VPS54: variants seen among roughly 807,000 people sequenced by gnomAD.
VPS54 encodes VPS54 subunit of GARP complex, also known as vacuolar protein sorting-associated protein 54.
A neutral mutation model predicts 121.5 loss-of-function variants in VPS54; 45 were observed. The observed-to-expected ratio is 0.37, with a 90% CI of 0.29 to 0.47. The LOEUF (loss-of-function observed/expected upper bound fraction) is 0.47, where lower values mean the gene tolerates loss of function less well. Ranked by LOEUF, VPS54 falls within the 20% of genes least tolerant of loss-of-function variation. The probability of loss-of-function intolerance (pLI) is 0.99; values close to 1 mark genes in which losing one functional copy is unlikely to be tolerated. For missense variants in VPS54, 1,090 were observed against 1,131.4 expected (o/e 0.96, Z 0.52); for synonymous variants, 371 against 385.8 (o/e 0.96, Z 0.45).
At chr2:63,922,893 A>C (rs1673708957) in intron 12 of VPS54, among the ~76,000 whole-genome samples, 1 of 152,204 alleles carries the variant, frequency 6.6e-6, no homozygotes, top group Non-Finnish European at 1.5e-5. Context: ...ATTCACAAAA[A>C]TATAAACAGA....
At chr2:64,002,655 A>G (rs544904881) in intron 1 of VPS54, among the ~76,000 whole-genome samples, 3 of 152,354 alleles carry the variant, frequency 2.0e-5, no homozygotes, top group South Asian at 2.1e-4. Context: ...TGGCAGAAAA[A>G]TATTTCTAGA....
Position 63,972,156 on chromosome 2 carries a change from A to G in VPS54, c.457+10T>C, listed in dbSNP as rs181659898. 7.9e-6 allele frequency: 12 copies of G among 1,522,402 alleles called. No homozygotes were observed. The highest frequency in any genetic ancestry group is 9.8e-6 in the Non-Finnish European group (11 of 1,117,232). 94.3% of individuals were successfully genotyped at this position (1,522,402 alleles called of 1,614,324 possible). On this transcript the variant is annotated intron_variant, in intron 4 of 22. Coordinates refer to ENST00000272322, the MANE Select transcript of VPS54 (RefSeq NM_016516.3). The stretch of plus-strand genomic sequence containing the variant: ...ATGCTTTATTATCTATAAATAACAC[A>G]TATTCATACCATGAGTATGTAAAAG...
intron 1 of VPS54, among the ~76,000 whole-genome samples, chr2:63,990,231 A>C (rs1677252805): frequency 6.6e-6 from 1 of 152,114 alleles, no homozygotes; most frequent in African/African-American, 2.4e-5. Context: ...CGATGCTGAA[A>C]ATTCAATGTC....
intron 5 of VPS54, among the ~76,000 whole-genome samples, chr2:63,967,788 G>T (rs192734580): frequency 2.4e-4 from 37 of 151,090 alleles, no homozygotes; most frequent in East Asian, 1.5e-3. Context: ...AGGGATGAGG[G>T]AAGAGTCCCA....
chr2:63,897,181 G>A lies in VPS54; in HGVS notation c.2828+315C>T, dbSNP rs77433952. On this transcript the variant is annotated intron_variant, in intron 22 of 22. Transcript: ENST00000272322. ...ACACAGGTTAAGTGACATTCACATG[G>A]TCACACAGTAGGACTTCTGAATCCT... Among the ~76,000 whole-genome samples the A allele has an allele frequency of 1.2e-4, 19 of 152,242 alleles. No individual in the cohort carries two copies. In the East Asian group the frequency reaches 3.1e-3, roughly 25 times the overall value.
At chr2:63,977,573 T>C (rs947510915) in intron 3 of VPS54, among the ~76,000 whole-genome samples, 3 of 152,252 alleles carry the variant, frequency 2.0e-5, no homozygotes, top group African/African-American at 7.2e-5. Flanking sequence ...TGATTCTTAG[T>C]TTCCATCTCT....
At position 63,899,544 on chromosome 2, in the gene VPS54, C is replaced by T; in HGVS notation, c.2663G>A (p.Arg888Lys). 6.2e-7 allele frequency: 1 copy of T among 1,613,704 alleles called. No individual in the cohort carries two copies. ...VKAPVPSACF[R>K]NICKQMTKMH... is the part of the protein sequence containing the mutation. ...TTTTGTCATTTGCTTACAAATATTC[C>T]TGAAACAGGCAGAAGGAACAGGAGC... The change falls in exon 21 of 23, where the codon AGG becomes AAG. Residue 888 changes from arginine (R) to lysine (K), a missense_variant. Arg to Lys is a conservative substitution (Grantham distance 26, BLOSUM62 2). This residue lies in a region of VPS54 where 289 missense variants were observed against 374.4 expected (regional missense o/e 0.77). Coordinates refer to ENST00000272322, the MANE Select transcript of VPS54 (RefSeq NM_016516.3).
At chr2:63,913,884 T>G in intron 17 of VPS54, 1 of 1,135,986 alleles carries the variant, frequency 8.8e-7, no homozygotes, top group Non-Finnish European at 1.1e-6. Flanking sequence ...TTGAAGCCAG[T>G]CCAGGTTTTT....
At chr2:63,907,803 C>G (rs183604125) in intron 20 of VPS54, among the ~76,000 whole-genome samples, 48 of 152,130 alleles carry the variant, frequency 3.2e-4, no homozygotes, top group Admixed American at 7.9e-4. Flanking sequence ...ATATGAATGG[C>G]AAACAAGCAC....
intron 1 of VPS54, among the ~76,000 whole-genome samples, chr2:63,996,621 G>A (rs1677607157): frequency 1.3e-5 from 2 of 152,310 alleles, no homozygotes; most frequent in Non-Finnish European, 2.9e-5. Context: ...AAATATTGCT[G>A]AGTTCTTTCC....
intron 1 of VPS54, among the ~76,000 whole-genome samples, chr2:64,001,848 A>T (rs893781692): frequency 6.6e-6 from 1 of 151,792 alleles, no homozygotes; most frequent in Non-Finnish European, 1.5e-5. Context: ...TGGCACAAGC[A>T]CTCCCTTAGG....
At chr2:63,939,133 G>C (rs758941458) in intron 11 of VPS54, among the ~76,000 whole-genome samples, 6 of 152,006 alleles carry the variant, frequency 3.9e-5, no homozygotes, top group Non-Finnish European at 8.8e-5. Flanking sequence ...CTGCACTTTT[G>C]GAGGCCAAGG....
At chr2:63,913,822 A>G in intron 17 of VPS54, 1 of 1,043,986 alleles carries the variant, frequency 9.6e-7, no homozygotes, top group South Asian at 3.9e-5. Context: ...AAAAATCTCT[A>G]ACCTTAGTGA....
chr2:63,912,763 A>G (rs1673208037), intron 18 of VPS54, 102 bp from the exon 19 acceptor site: 2 of 1,422,782 alleles, frequency 1.4e-6, no homozygotes, highest in Non-Finnish European at 1.9e-6. Context: ...ATCACTTATA[A>G]AGAACCAGTT....
intron 1 of VPS54, among the ~76,000 whole-genome samples, chr2:64,009,717 A>T (rs1678338780): frequency 6.6e-6 from 1 of 152,262 alleles, no homozygotes; most frequent in East Asian, 1.9e-4. Context: ...TCATTTTAGC[A>T]CTTTCAAGAA....
intron 11 of VPS54, among the ~76,000 whole-genome samples, chr2:63,937,871 G>T (rs935850966): frequency 6.6e-6 from 1 of 152,078 alleles, no homozygotes; most frequent in Admixed American, 6.6e-5. Context: ...GCACCTTGAG[G>T]ACATTAAGCT....
intron 20 of VPS54, among the ~76,000 whole-genome samples, chr2:63,910,905 C>T (rs1219054076): frequency 6.6e-6 from 1 of 152,106 alleles, no homozygotes; most frequent in Admixed American, 6.6e-5. Context: ...AATTGTTCCA[C>T]TATTTTTGTT....
At chr2:63,911,179 A>G (rs1393954124) in intron 20 of VPS54, among the ~76,000 whole-genome samples, 3 of 152,236 alleles carry the variant, frequency 2.0e-5, no homozygotes, top group Non-Finnish European at 4.4e-5. Context: ...CAAAAAGGAA[A>G]CTGGTAGAAT....
intron 7 of VPS54, among the ~76,000 whole-genome samples, chr2:63,951,392 T>C (rs1675236493): frequency 1.3e-5 from 2 of 152,254 alleles, no homozygotes; most frequent in Non-Finnish European, 2.9e-5. Context: ...GTATAGTATG[T>C]ATTAAAGACA....
Sources: allele counts gnomAD v4.1 joint callset (sites outside exome capture counted in the v4.1 genomes callset), GRCh38; gene constraint gnomAD v4.1.1; regional missense constraint gnomAD v4.1.1; transcripts MANE v1.5; gene names NCBI Gene and HGNC (gene_info 2026-07-23, HGNC 2026-07-21).